The following MYO1C variants were observed in gnomAD, a reference collection of about 807,000 sequenced individuals.
MYO1C encodes the protein unconventional myosin-Ic.
Under a neutral mutation model 150.8 loss-of-function variants are expected in MYO1C, and 104 were observed. The observed-to-expected ratio is 0.69, with a 90% CI of 0.59 to 0.81. The LOEUF (loss-of-function observed/expected upper bound fraction) is 0.81, where lower values mean the gene tolerates loss of function less well. MYO1C is among the 30% of genes least tolerant of loss of function. The pLI, the probability that MYO1C is intolerant of heterozygous loss-of-function variation, is 0.00. For missense variants in MYO1C, 1,504 were observed against 1,435.0 expected, an observed-to-expected ratio of 1.05 and a Z score of -0.78; for synonymous variants, 663 against 579.9, an observed-to-expected ratio of 1.14 and a Z score of -2.06.
chr17:1,491,449 C>G (rs1312076855), intron 1 of MYO1C, among the ~76,000 whole-genome samples: 1 of 60,972 alleles, frequency 1.6e-5, no homozygotes, highest in Admixed American at 1.6e-4. Context: ...GTCGTGGGAC[C>G]CCCCCCCCCC....
intron 5 of MYO1C, chr17:1,481,098 G>A (rs899342425): frequency 1.4e-5 from 8 of 588,076 alleles, no homozygotes; most frequent in Admixed American, 6.0e-5. Flanking sequence ...CGACCTGGCT[G>A]CTCCACCTGG....
chr17:1,485,937 G>C (rs889998116), intron 1 of MYO1C: 4 of 157,614 alleles, frequency 2.5e-5, no homozygotes, highest in Non-Finnish European at 5.5e-5. Context: ...GGGGGTCCGC[G>C]GGCCGGGGGC....
At position 1,492,604 on chromosome 17, in the gene MYO1C, GC is replaced by G; in HGVS notation, c.-118del. 1.1e-6 allele frequency: 1 copy of G among 941,620 alleles called. No homozygotes were observed. Among genetic ancestry groups the G allele is most frequent in the Non-Finnish European group, 1.7e-6 (1 of 599,806 alleles). 58.3% of individuals were successfully genotyped at this position (941,620 alleles called of 1,614,324 possible). ...GAACCTACGGTCTAACGCCGGGATG[GC>G]CACTTGGTTCTGCTTCAACTGCAGC... On this transcript the variant is annotated 5_prime_UTR_variant, in exon 1 of 32. Transcript: ENST00000648651.
rs145265331 is a variant in MYO1C, at chr17:1,490,545, T to C, written c.75+1868A>G. ...AAAACAAACAAAAACCTCACCTCCA[T>C]CACTGCTCCTTACCTGGGCCAAGAC... On this transcript the variant is annotated intron_variant, in intron 1 of 31. Coordinates refer to ENST00000648651, the MANE Select transcript of MYO1C (RefSeq NM_001080779.2). 1.8e-3 allele frequency among the ~76,000 whole-genome samples: 275 copies of C among 152,234 alleles called. 1 individual carries two copies. Among genetic ancestry groups the C allele is most frequent in the African/African-American group, 6.4e-3 (264 of 41,530 alleles).
Position 1,478,007 on chromosome 17 carries a change from G to C in MYO1C, c.1402-36C>G. ...GAAGGGAAGGAAGGGATCACCGTGG[G>C]GTCCTGGCACCCTCTCCCAGGGGCC... On this transcript the variant is annotated intron_variant, in intron 12 of 31. Transcript: ENST00000648651. The surrounding 1 kb of genome is among the most constrained non-coding windows in gnomAD (Gnocchi z 6.3). 9 of 1,612,772 alleles carry C rather than the reference G, an allele frequency of 5.6e-6. No individual in the cohort carries two copies. The highest frequency in any genetic ancestry group is 7.6e-6 in the Non-Finnish European group (9 of 1,178,772).
chr17:1,465,613 G>A lies in MYO1C; in HGVS notation c.*113C>T. ...GCAGGAGGTGGGAGATTGCAGGTGG[G>A]CTTCGGGGTGTCCCTGGGTCCCTGT... On this transcript the variant is annotated 3_prime_UTR_variant, in exon 32 of 32. Transcript: ENST00000648651. 1.8e-6 allele frequency: 2 copies of A among 1,130,302 alleles called. No homozygotes were observed. Among genetic ancestry groups the A allele is most frequent in the Non-Finnish European group, 2.4e-6 (2 of 850,782 alleles). The allele number at this position is 1,130,302 out of a possible 1,614,324, so 70.0% of individuals were successfully genotyped here. A position where few individuals can be genotyped will look rare whatever the true frequency, so the allele number is the denominator to read the frequency against.
At position 1,477,560 on chromosome 17, in the gene MYO1C, G is replaced by A; in HGVS notation, c.1519C>T (p.Leu507=). Residue 507 remains leucine (L), a synonymous_variant, in exon 14 of 32, where the codon CTG becomes TTG. Coordinates refer to ENST00000648651, the MANE Select transcript of MYO1C (RefSeq NM_001080779.2). ...TCCTCCAGCTTCTCCAGGAAGGTCA[G>A]GTCTGTGGCCTCCCCGGGGCGCAGA... ...ECLRPGEATD[L]TFLEKLEDTV... is the part of the protein sequence containing the mutation. 1 of 1,613,628 alleles carries A rather than the reference G, an allele frequency of 6.2e-7. No homozygotes were observed. The highest frequency in any genetic ancestry group is 8.5e-7 in the Non-Finnish European group (1 of 1,180,010).
Position 1,478,619 on chromosome 17 carries a change from G to A in MYO1C, c.1209C>T (p.Ser403=). ...LVGKINRSLA[S]KDVESPSWRS... is the part of the protein sequence containing the mutation. ...GCAGTGTGGACCGAGCCCTCACCTT[G>A]GAGGCCAGCGACCTGTTGATCTTCC... Residue 403 remains serine, a synonymous_variant, in exon 10 of 32, where the codon TCC becomes TCT. Transcript: ENST00000648651. The surrounding 1 kb of genome is among the most constrained non-coding windows in gnomAD (Gnocchi z 6.3). The A allele has an allele frequency of 6.2e-7, 1 of 1,614,116 alleles. No homozygotes were observed. The highest frequency in any genetic ancestry group is 8.5e-7 in the Non-Finnish European group (1 of 1,180,010).
intron 21 of MYO1C, 59 bp from the exon 22 acceptor site, chr17:1,470,748 T>A: frequency 6.5e-7 from 1 of 1,531,292 alleles, no homozygotes; most frequent in Non-Finnish European, 8.9e-7. Context: ...GGGAGCCTGG[T>A]GCCGTGTGCG....
chr17:1,484,359 A>C, intron 1 of MYO1C, 56 bp from the exon 2 acceptor site: 1 of 1,590,690 alleles, frequency 6.3e-7, no homozygotes, highest in South Asian at 1.1e-5. Context: ...GGGCAAGGCC[A>C]CTTCCCTGCG....
intron 14 of MYO1C, among the ~76,000 whole-genome samples, chr17:1,476,674 G>A (rs893552493): frequency 6.6e-6 from 1 of 152,182 alleles, no homozygotes; most frequent in Non-Finnish European, 1.5e-5. Context: ...TGCACAGCAT[G>A]CATCAGACCG....
At position 1,478,858 on chromosome 17, in the gene MYO1C, A is replaced by G. The variant is rs2150952697; in HGVS notation, c.1093-123T>C. 6.8e-7 allele frequency: 1 copy of G among 1,480,256 alleles called. No individual in the cohort carries two copies. The highest frequency in any genetic ancestry group is 9.2e-7 in the Non-Finnish European group (1 of 1,089,460). 91.7% of individuals were successfully genotyped at this position (1,480,256 alleles called of 1,614,324 possible). A position where few individuals can be genotyped will look rare whatever the true frequency, so the allele number is the denominator to read the frequency against. ...GCACTCCCAGCTCCAGCAAGCCTGCAGTATGGGGAGGGGTGCTGGTAGTGG... is the reference window on the plus strand; with the variant it reads ...GCACTCCCAGCTCCAGCAAGCCTGCGGTATGGGGAGGGGTGCTGGTAGTGG... On this transcript the variant is annotated intron_variant, in intron 9 of 31. Coordinates refer to ENST00000648651, the MANE Select transcript of MYO1C (RefSeq NM_001080779.2). The surrounding 1 kb of genome is among the most constrained non-coding windows in gnomAD (Gnocchi z 6.3).
chr17:1,470,222 T>C lies in MYO1C; in HGVS notation c.2479A>G (p.Asn827Asp). The C allele has an allele frequency of 6.2e-7, 1 of 1,611,468 alleles. No individual in the cohort carries two copies. Among genetic ancestry groups the C allele is most frequent in the Middle Eastern group, 1.7e-4 (1 of 5,826 alleles). Residue 827 changes from asparagine to aspartate, a missense_variant, in exon 24 of 32, where the codon AAT becomes GAT. By Grantham distance (23) the Asn-to-Asp change is conservative. Coordinates refer to ENST00000648651, the MANE Select transcript of MYO1C (RefSeq NM_001080779.2). ...GTGGGCCACGAGGTGTCCAGGACAT[T>C]CTGGGGCAGCTGCCGCCTCAGGTTT... ...LLNLRRQLPQ[N>D]VLDTSWPTPP...
At chr17:1,491,495 A>C in intron 1 of MYO1C, 3 of 320,280 alleles carry the variant, frequency 9.4e-6, no homozygotes, top group Non-Finnish European at 1.3e-5. Flanking sequence ...GGCCCCAGCG[A>C]TCCCCGGCCG....
chr17:1,471,002 C>T, intron 21 of MYO1C, 69 bp downstream of exon 21: 1 of 1,514,154 alleles, frequency 6.6e-7, no homozygotes, highest in Non-Finnish European at 9.2e-7. Flanking sequence ...GAGAAGGAGC[C>T]CAAGGGAGTG....
chr17:1,477,367 G>A (rs2074420669), intron 14 of MYO1C, 138 bp downstream of exon 14: 2 of 768,198 alleles, frequency 2.6e-6, no homozygotes, highest in South Asian at 1.5e-5. Flanking sequence ...CTGGACACAT[G>A]TGAGGGGTCC....
intron 25 of MYO1C, chr17:1,469,190 G>GA: frequency 7.8e-6 from 3 of 384,356 alleles, no homozygotes; most frequent in South Asian, 6.3e-5. Context: ...AAATACGGTA[G>GA]GCGGGGTAAA....
chr17:1,479,334 G>T lies in MYO1C; in HGVS notation c.1092+97C>A. 1 of 763,314 alleles carries T rather than the reference G, an allele frequency of 1.3e-6. No individual in the cohort carries two copies. Among genetic ancestry groups the T allele is most frequent in the Non-Finnish European group, 2.3e-6 (1 of 442,896 alleles). The allele number at this position is 763,314 out of a possible 1,614,324, so 47.3% of individuals were successfully genotyped here. A position where few individuals can be genotyped will look rare whatever the true frequency, so the allele number is the denominator to read the frequency against. ...GAGCAGCCTTCCTTCCATCCCTCCAGCATTGCTGAGGGAACCAGGCGAAGG... is the reference window on the plus strand; with the variant it reads ...GAGCAGCCTTCCTTCCATCCCTCCATCATTGCTGAGGGAACCAGGCGAAGG... On this transcript the variant is annotated intron_variant, in intron 9 of 31. Transcript: ENST00000648651. The surrounding 1 kb of genome is among the most constrained non-coding windows in gnomAD (Gnocchi z 4.2).
chr17:1,492,445 G>T lies in MYO1C; in HGVS notation c.43C>A (p.Arg15Ser). The stretch of plus-strand genomic sequence containing the variant: ...CAGGGCCTGTGGGGATGAACCACGC[G>T]GATGATCTCCCCGGTGGGTACCAGC... ...VELVPTGEII[R>S]VVHPHRPCKL... The change falls in exon 1 of 32, where the codon CGC becomes AGC. Residue 15 changes from arginine (R) to serine (S), a missense_variant. Transcript: ENST00000648651. 1 of 1,607,944 alleles carries T rather than the reference G, an allele frequency of 6.2e-7. No homozygotes were observed. The highest frequency in any genetic ancestry group is 8.5e-7 in the Non-Finnish European group (1 of 1,177,596).
Sources: allele counts gnomAD v4.1 joint callset (sites outside exome capture counted in the v4.1 genomes callset), GRCh38; gene constraint gnomAD v4.1.1; non-coding constraint Gnocchi (gnomAD v3.1); transcripts MANE v1.5; gene names NCBI Gene and HGNC (gene_info 2026-07-23, HGNC 2026-07-21).